The following BABAM2 variants were observed in gnomAD, a reference collection of about 807,000 sequenced individuals.
BABAM2 encodes the protein BRISC and BRCA1-A complex member 2.
In BABAM2, 31 loss-of-function variants were observed where a neutral mutation model predicts 54.7. The ratio of observed to expected loss-of-function variants is 0.57; its 90% confidence interval spans 0.43 to 0.77. BABAM2 has a LOEUF of 0.77. BABAM2 is among the 30% of genes least tolerant of loss of function. The probability of loss-of-function intolerance (pLI) is 0.00; values close to 1 mark genes in which losing one functional copy is unlikely to be tolerated. For missense variants in BABAM2, 364 were observed against 455.8 expected (o/e 0.80, Z 1.83); for synonymous variants, 167 against 162.9 (o/e 1.03, Z -0.19).
At chr2:28,275,996 A>C (rs1685843126) in intron 10 of BABAM2, among the ~76,000 whole-genome samples, 1 of 150,302 alleles carries the variant, frequency 6.7e-6, no homozygotes, top group South Asian at 2.1e-4. Flanking sequence ...AAGTCTACCA[A>C]ATTTTTATCT....
At position 28,147,769 on chromosome 2, in the gene BABAM2, G is replaced by A. The variant is rs889461326; in HGVS notation, c.680+18389G>A. Among the ~76,000 whole-genome samples, 4 of 152,238 alleles carry A rather than the reference G, an allele frequency of 2.6e-5. No individual in the cohort carries two copies. In the East Asian group the frequency reaches 5.8e-4, roughly 22 times the overall value. ...ATAACAGGCGTGAGCCACTGCGCCC[G>A]GCCTCCCTTTAGGAAATTATTTTAG... On this transcript the variant is annotated intron_variant, in intron 7 of 11. Coordinates refer to ENST00000379624, the MANE Select transcript of BABAM2 (RefSeq NM_199191.3).
At chr2:28,173,024 A>T (rs1357467367) in intron 7 of BABAM2, among the ~76,000 whole-genome samples, 2 of 152,150 alleles carry the variant, frequency 1.3e-5, no homozygotes, top group Non-Finnish European at 2.9e-5. Flanking sequence ...AAGTTTGTGA[A>T]CTGTCTGGTT....
At position 27,995,670 on chromosome 2, in the gene BABAM2, C is replaced by T. The variant is rs1267022401; in HGVS notation, c.300+7583C>T. Among the ~76,000 whole-genome samples the T allele has an allele frequency of 6.6e-6, 1 of 152,178 alleles. No individual in the cohort carries two copies. The highest frequency in any genetic ancestry group is 1.5e-5 in the Non-Finnish European group (1 of 68,022). ...TCTCGGCTCACTGCAAGCTCCGCCT[C>T]CCGGGTTCACGCCATTCTCCTGCCT... On this transcript the variant is annotated intron_variant, in intron 4 of 11. Coordinates refer to ENST00000379624, the MANE Select transcript of BABAM2 (RefSeq NM_199191.3). The surrounding 1 kb of genome is among the most constrained non-coding windows in gnomAD (Gnocchi z 4.1).
At chr2:28,301,941 G>T (rs753035469) in intron 11 of BABAM2, among the ~76,000 whole-genome samples, 1 of 152,070 alleles carries the variant, frequency 6.6e-6, no homozygotes, top group African/African-American at 2.4e-5. Flanking sequence ...AAGTTTTGAC[G>T]AAGTTACCTT....
chr2:28,187,715 C>T (rs1338582575), intron 7 of BABAM2, among the ~76,000 whole-genome samples: 1 of 130,806 alleles, frequency 7.6e-6, no homozygotes, highest in African/African-American at 3.0e-5. Flanking sequence ...GTGGCCCAGA[C>T]TGGAGTGCAG....
intron 7 of BABAM2, among the ~76,000 whole-genome samples, chr2:28,199,948 A>G (rs1678080281): frequency 1.3e-5 from 2 of 152,184 alleles, no homozygotes. Context: ...ATATTAGGAA[A>G]CCCCTATTCA....
At chr2:27,999,011 T>C (rs1673379923) in intron 4 of BABAM2, among the ~76,000 whole-genome samples, 1 of 152,182 alleles carries the variant, frequency 6.6e-6, no homozygotes, top group Non-Finnish European at 1.5e-5. Context: ...CAGTATATTA[T>C]CATAGCACAT....
At chr2:28,030,076 T>C (rs1209103500) in intron 5 of BABAM2, among the ~76,000 whole-genome samples, 2 of 152,180 alleles carry the variant, frequency 1.3e-5, no homozygotes, top group Admixed American at 6.5e-5. Flanking sequence ...GAATTTGCCT[T>C]CCTGTCTCAT....
At chr2:28,123,880 A>G (rs143776160) in intron 6 of BABAM2, among the ~76,000 whole-genome samples, 2 of 152,250 alleles carry the variant, frequency 1.3e-5, no homozygotes, top group Non-Finnish European at 2.9e-5. Flanking sequence ...AATGTTGATT[A>G]TATAAACTAG....
At chr2:27,893,282 A>G (rs928198555) in intron 1 of BABAM2, among the ~76,000 whole-genome samples, 2 of 152,196 alleles carry the variant, frequency 1.3e-5, no homozygotes, top group African/African-American at 4.8e-5. Flanking sequence ...GAGTTTCCAG[A>G]TAATTTAGAT....
At chr2:28,141,309 C>T (rs1001621937) in intron 7 of BABAM2, among the ~76,000 whole-genome samples, 2 of 151,856 alleles carry the variant, frequency 1.3e-5, no homozygotes, top group Non-Finnish European at 2.9e-5. Context: ...AACCCTAAAC[C>T]CCCATGATGC....
intron 7 of BABAM2, among the ~76,000 whole-genome samples, chr2:28,156,933 A>G (rs991195421): frequency 2.0e-5 from 3 of 152,256 alleles, no homozygotes; most frequent in African/African-American, 4.8e-5. Context: ...AATTTAATTG[A>G]TAGAAATCTC....
At chr2:28,070,498 T>G (rs1007528649) in intron 6 of BABAM2, among the ~76,000 whole-genome samples, 2 of 151,932 alleles carry the variant, frequency 1.3e-5, no homozygotes, top group East Asian at 3.9e-4. Context: ...GACTCTCCTG[T>G]CCCCCAGCTC....
intron 7 of BABAM2, among the ~76,000 whole-genome samples, chr2:28,136,581 T>G (rs1176900910): frequency 1.3e-5 from 2 of 152,260 alleles, no homozygotes; most frequent in East Asian, 3.8e-4. Context: ...GAGGATACTT[T>G]CCTTTATGGT....
At chr2:27,949,606 G>T (rs1669556210) in intron 3 of BABAM2, among the ~76,000 whole-genome samples, 1 of 151,860 alleles carries the variant, frequency 6.6e-6, no homozygotes, top group Admixed American at 6.6e-5. Context: ...TCTCTTTGAA[G>T]GTCAGATAAT....
At chr2:28,028,150 A>G (rs1676012147) in intron 5 of BABAM2, among the ~76,000 whole-genome samples, 1 of 152,030 alleles carries the variant, frequency 6.6e-6, no homozygotes, top group African/African-American at 2.4e-5. Context: ...TCAGTTCCTC[A>G]TGGGCCATCG....
At chr2:28,133,638 C>T (rs1450594476) in intron 7 of BABAM2, among the ~76,000 whole-genome samples, 1 of 152,216 alleles carries the variant, frequency 6.6e-6, no homozygotes, top group Non-Finnish European at 1.5e-5. Context: ...CCATTCCAGT[C>T]TGACTGTTCC....
chr2:28,118,864 C>T (rs1668824020), intron 6 of BABAM2, among the ~76,000 whole-genome samples: 1 of 152,052 alleles, frequency 6.6e-6, no homozygotes, highest in Non-Finnish European at 1.5e-5. Flanking sequence ...TTGGGTTTTA[C>T]ATTTAAGTTG....
chr2:28,196,053 C>T (rs1444139396), intron 7 of BABAM2, among the ~76,000 whole-genome samples: 3 of 152,236 alleles, frequency 2.0e-5, no homozygotes, highest in South Asian at 2.1e-4. Flanking sequence ...TTTGGCTGGG[C>T]GTGGTGGCTT....
Sources: allele counts gnomAD v4.1 joint callset (sites outside exome capture counted in the v4.1 genomes callset), GRCh38; gene constraint gnomAD v4.1.1; non-coding constraint Gnocchi (gnomAD v3.1); transcripts MANE v1.5; gene names NCBI Gene and HGNC (gene_info 2026-07-23, HGNC 2026-07-21).